The following CNTN1 variants were observed in gnomAD, a reference collection of about 807,000 sequenced individuals.
The protein encoded by CNTN1 is contactin-1.
In CNTN1, 38 loss-of-function variants were observed where a neutral mutation model predicts 126.4. The observed-to-expected ratio is 0.30, with a 90% CI of 0.23 to 0.39. The LOEUF is 0.39. Ranked by LOEUF, CNTN1 falls within the 10% of genes least tolerant of loss-of-function variation. The pLI, the probability that CNTN1 is intolerant of heterozygous loss-of-function variation, is 1.00. For missense variants in CNTN1, 1,009 were observed against 1,248.4 expected (o/e 0.81, Z 2.89); for synonymous variants, 413 against 422.6 (o/e 0.98, Z 0.28).
intron 5 of CNTN1, 145 bp downstream of exon 5, chr12:40,922,573 A>T (rs960799089): frequency 7.6e-5 from 56 of 740,264 alleles, no homozygotes; most frequent in Non-Finnish European, 1.3e-4. Context: ...TGTAATGGAG[A>T]CAACAAAGCA....
At chr12:40,739,344 A>G (rs1360112130) in intron 1 of CNTN1, among the ~76,000 whole-genome samples, 1 of 152,100 alleles carries the variant, frequency 6.6e-6, no homozygotes, top group Non-Finnish European at 1.5e-5. Flanking sequence ...CCATTTATAT[A>G]AGATTTGAAG....
chr12:40,804,788 C>G (rs1435397508), intron 1 of CNTN1, among the ~76,000 whole-genome samples: 1 of 151,712 alleles, frequency 6.6e-6, no homozygotes. Context: ...TTCTTTTGGC[C>G]TAAAGAAATA....
chr12:40,939,288 G>A (rs1294476764), intron 11 of CNTN1, 47 bp from the exon 12 acceptor site: 2 of 1,595,430 alleles, frequency 1.3e-6, no homozygotes, highest in East Asian at 2.2e-5. Flanking sequence ...GCAATGTTTA[G>A]GCTTTACAAA....
At chr12:40,882,249 C>G (rs916292692) in intron 1 of CNTN1, among the ~76,000 whole-genome samples, 10 of 151,624 alleles carry the variant, frequency 6.6e-5, no homozygotes, top group African/African-American at 1.9e-4. Flanking sequence ...ACAAGTTGAA[C>G]TAACAAGCAT....
intron 1 of CNTN1, among the ~76,000 whole-genome samples, chr12:40,768,006 A>T (rs957407820): frequency 4.4e-3 from 4 of 914 alleles, no homozygotes; most frequent in African/African-American, 6.3e-3. Context: ...TTCTATACTG[A>T]TATACTTCTA....
intron 1 of CNTN1, among the ~76,000 whole-genome samples, chr12:40,888,547 A>G (rs985483120): frequency 6.6e-6 from 1 of 152,196 alleles, no homozygotes; most frequent in African/African-American, 2.4e-5. Flanking sequence ...ATAAATACAG[A>G]TATGGTTTAC....
chr12:40,934,332 T>C (rs553163141), intron 9 of CNTN1, among the ~76,000 whole-genome samples: 59 of 152,032 alleles, frequency 3.9e-4, no homozygotes, highest in Admixed American at 7.9e-4. Context: ...CAGAGGTCTG[T>C]TAGGGGCTCA....
At chr12:40,872,169 C>T (rs1349891716) in intron 1 of CNTN1, among the ~76,000 whole-genome samples, 1 of 149,394 alleles carries the variant, frequency 6.7e-6, no homozygotes, top group Non-Finnish European at 1.5e-5. Context: ...CAGCACAGAC[C>T]TTGAGCTTAA....
chr12:40,731,361 A>G (rs545278387), intron 1 of CNTN1, among the ~76,000 whole-genome samples: 9 of 152,000 alleles, frequency 5.9e-5, no homozygotes, highest in Non-Finnish European at 4.4e-5. Flanking sequence ...CTTTTTAGTA[A>G]ACCATAAATG....
intron 1 of CNTN1, among the ~76,000 whole-genome samples, chr12:40,758,269 A>G (rs978685800): frequency 6.6e-6 from 1 of 151,346 alleles, no homozygotes; most frequent in Non-Finnish European, 1.5e-5. Context: ...TTCTATTTAT[A>G]TATTCAGAAT....
chr12:40,712,974 A>T (rs915452240), intron 1 of CNTN1, among the ~76,000 whole-genome samples: 1 of 151,762 alleles, frequency 6.6e-6, no homozygotes, highest in Non-Finnish European at 1.5e-5. Flanking sequence ...GCTGGTTGTT[A>T]AAAAAAAGTC....
intron 1 of CNTN1, among the ~76,000 whole-genome samples, chr12:40,784,092 G>C (rs1341505620): frequency 1.3e-5 from 2 of 151,936 alleles, no homozygotes; most frequent in Non-Finnish European, 2.9e-5. Flanking sequence ...AAGCCCAAAG[G>C]GTGCTATTAC....
intron 16 of CNTN1, among the ~76,000 whole-genome samples, chr12:40,991,784 C>T (rs1231847867): frequency 2.6e-5 from 4 of 152,164 alleles, no homozygotes; most frequent in African/African-American, 7.2e-5. Flanking sequence ...GCAGAGATCA[C>T]GCAACTGCAC....
intron 1 of CNTN1, among the ~76,000 whole-genome samples, chr12:40,727,336 T>G (rs1942382883): frequency 6.6e-6 from 1 of 151,210 alleles, no homozygotes; most frequent in African/African-American, 2.4e-5. Flanking sequence ...CAGGCAAATA[T>G]AATAGCAAAT....
At chr12:40,987,036 C>T (rs1200707929) in intron 16 of CNTN1, among the ~76,000 whole-genome samples, 1 of 152,080 alleles carries the variant, frequency 6.6e-6, no homozygotes, top group South Asian at 2.1e-4. Context: ...CTCTAATGGG[C>T]TTTGAAAGAT....
rs571700697 is a variant in CNTN1 at position 40,938,998 on chromosome 12, A to G, written c.1229-337A>G. Among the ~76,000 whole-genome samples the G allele has an allele frequency of 7.2e-5, 11 of 151,800 alleles. No individual in the cohort carries two copies. In the East Asian group the frequency reaches 2.1e-3, roughly 30 times the overall value. ...GCCGTGTTACCCAGTCTGCTCTCAAACTCCTGGGTAAGCCATCTGCCCACC... is the reference window on the plus strand; with the variant it reads ...GCCGTGTTACCCAGTCTGCTCTCAAGCTCCTGGGTAAGCCATCTGCCCACC... On this transcript the variant is annotated intron_variant, in intron 11 of 23. Coordinates refer to ENST00000551295, the MANE Select transcript of CNTN1 (RefSeq NM_001843.4).
chr12:40,873,625 T>TAACA (rs1943577287), intron 1 of CNTN1, among the ~76,000 whole-genome samples: 1 of 152,204 alleles, frequency 6.6e-6, no homozygotes, highest in Non-Finnish European at 1.5e-5. Flanking sequence ...TGAAAAGCCT[T>TAACA]AACATATGTT....
intron 17 of CNTN1, among the ~76,000 whole-genome samples, chr12:40,994,589 T>C (rs1948168971): frequency 6.6e-6 from 1 of 152,080 alleles, no homozygotes; most frequent in Non-Finnish European, 1.5e-5. Flanking sequence ...GAAGCCTCTA[T>C]TACAAACATA....
At chr12:40,994,888 C>A (rs747484203) in intron 17 of CNTN1, among the ~76,000 whole-genome samples, 1 of 151,782 alleles carries the variant, frequency 6.6e-6, no homozygotes, top group Non-Finnish European at 1.5e-5. Context: ...CTTGAGAAGC[C>A]GACTTTGAGA....
Sources: gnomAD v4.1 joint callset for allele counts (sites outside exome capture counted in the v4.1 genomes callset) on GRCh38, gnomAD v4.1.1 for gene constraint, MANE v1.5 for transcripts, NCBI Gene and HGNC (gene_info 2026-07-23, HGNC 2026-07-21) for gene names.